The following GLCCI1 variants were observed in gnomAD, a reference collection of about 807,000 sequenced individuals.
GLCCI1 encodes the protein glucocorticoid-induced transcript 1 protein.
In GLCCI1, 24 loss-of-function variants were observed where a neutral mutation model predicts 52.2. The ratio of observed to expected loss-of-function variants is 0.46; its 90% confidence interval spans 0.33 to 0.65. The LOEUF (loss-of-function observed/expected upper bound fraction) is 0.65, where lower values mean the gene tolerates loss of function less well. Ranked by LOEUF, GLCCI1 falls within the 30% of genes least tolerant of loss-of-function variation. The pLI is 0.02. For missense variants in GLCCI1, 704 were observed against 701.5 expected (o/e 1.00, Z -0.04); for synonymous variants, 310 against 276.5 (o/e 1.12, Z -1.20).
In GLCCI1 at chr7:8,040,843, G is replaced by A. The variant is rs1781980532; in HGVS notation, c.697-14590G>A. 2.6e-5 allele frequency among the ~76,000 whole-genome samples: 4 copies of A among 152,258 alleles called. No homozygotes were observed. In the South Asian group the frequency reaches 8.3e-4, roughly 32 times the overall value. On this transcript the variant is annotated intron_variant, in intron 3 of 7. Transcript: ENST00000223145. ...ATCCGTAAATGTATGCATGTGCTTT[G>A]CTTCATCAACTATCATTTTCCTCTC...
intron 1 of GLCCI1, chr7:7,980,677 T>C: frequency 2.6e-6 from 2 of 771,984 alleles, no homozygotes; most frequent in Non-Finnish European, 4.5e-6. Context: ...GGGCACAATG[T>C]CCATGGTGAA....
intron 3 of GLCCI1, among the ~76,000 whole-genome samples, chr7:8,052,027 C>G (rs1196377404): frequency 3.9e-5 from 6 of 152,208 alleles, no homozygotes; most frequent in African/African-American, 1.4e-4. Context: ...TTGTCCTGGG[C>G]AGGTACTACC....
intron 1 of GLCCI1, among the ~76,000 whole-genome samples, chr7:7,978,530 C>T (rs989961223): frequency 1.3e-5 from 2 of 152,016 alleles, no homozygotes; most frequent in Admixed American, 1.3e-4. Flanking sequence ...GGTGTTTTGG[C>T]ATTTTTTCAA....
intron 1 of GLCCI1, among the ~76,000 whole-genome samples, chr7:7,990,823 C>T (rs190187534): frequency 8.5e-5 from 13 of 152,120 alleles, no homozygotes; most frequent in East Asian, 5.8e-4. Context: ...TCTGTGTTTC[C>T]GTATTTCTGA....
At chr7:8,068,780 A>G (rs1272937451) in intron 5 of GLCCI1, among the ~76,000 whole-genome samples, 1 of 152,162 alleles carries the variant, frequency 6.6e-6, no homozygotes, top group Non-Finnish European at 1.5e-5. Flanking sequence ...TCCTTCAACC[A>G]TGGTATAATT....
rs113513775 is a variant in GLCCI1, at chr7:8,019,087, G to T, written c.610-3396G>T. Among the ~76,000 whole-genome samples, 42 of 152,254 alleles carry T rather than the reference G, an allele frequency of 2.8e-4. 1 individual carries two copies. The highest frequency in any genetic ancestry group is 6.8e-3 in the Middle Eastern group (2 of 294). On this transcript the variant is annotated intron_variant, in intron 2 of 7. Coordinates refer to ENST00000223145, the MANE Select transcript of GLCCI1 (RefSeq NM_138426.4). ...ACTTCTTAATCATCAGCTTTAAATAGATTTGATTTTGGTAGCCATCTTTTG... is the reference window on the plus strand; with the variant it reads ...ACTTCTTAATCATCAGCTTTAAATATATTTGATTTTGGTAGCCATCTTTTG...
At chr7:8,016,385 C>T (rs1047569212) in intron 2 of GLCCI1, among the ~76,000 whole-genome samples, 10 of 152,060 alleles carry the variant, frequency 6.6e-5, no homozygotes, top group Non-Finnish European at 1.3e-4. Context: ...AGGAGAATGG[C>T]GTGAACCCGG....
At chr7:8,038,747 A>C (rs947177207) in intron 3 of GLCCI1, among the ~76,000 whole-genome samples, 1 of 152,228 alleles carries the variant, frequency 6.6e-6, no homozygotes, top group Non-Finnish European at 1.5e-5. Context: ...AAGCAAATGC[A>C]ACAAAAATAG....
At chr7:7,972,720 A>T (rs535128803) in intron 1 of GLCCI1, among the ~76,000 whole-genome samples, 1 of 152,284 alleles carries the variant, frequency 6.6e-6, no homozygotes, top group African/African-American at 2.4e-5. Context: ...AGGCTGAGGA[A>T]AAGCTGAATT....
rs376472624 is a variant in GLCCI1, at chr7:8,086,292, A to T, written c.1398A>T (p.Leu466=). Reference sequence around the variant, plus strand: ...CAGCTTTCTGTCCTGTAAAACTTCTAGGCCCCCTCTTACCTGCTTCTGACC... The same window carrying T: ...CAGCTTTCTGTCCTGTAAAACTTCTTGGCCCCCTCTTACCTGCTTCTGACC... The part of the protein sequence containing the change: ...TGSAFCPVKL[L]GPLLPASDLM... Residue 466 remains leucine, a synonymous_variant, in exon 8 of 8, where the codon CTA becomes CTT. Transcript: ENST00000223145. This position sits in a 1 kb window ranked among gnomAD's most constrained non-coding sequence, Gnocchi z 4.4. 7.4e-6 allele frequency: 12 copies of T among 1,613,976 alleles called. No individual in the cohort carries two copies. The highest frequency in any genetic ancestry group is 1.0e-5 in the Non-Finnish European group (12 of 1,180,008).
chr7:8,027,021 C>T (rs1781637264), intron 3 of GLCCI1, among the ~76,000 whole-genome samples: 1 of 152,182 alleles, frequency 6.6e-6, no homozygotes, highest in Non-Finnish European at 1.5e-5. Context: ...GAAGGACAGG[C>T]ACAAACAAGC....
intron 1 of GLCCI1, among the ~76,000 whole-genome samples, chr7:8,000,894 T>C (rs1228265955): frequency 1.3e-5 from 2 of 152,136 alleles, no homozygotes; most frequent in Non-Finnish European, 2.9e-5. Context: ...TTGCTTGGTA[T>C]ATCTTCCTCC....
chr7:7,982,568 C>A (rs143509950), intron 1 of GLCCI1, among the ~76,000 whole-genome samples: 1 of 152,246 alleles, frequency 6.6e-6, no homozygotes, highest in East Asian at 1.9e-4. Flanking sequence ...ATATGAATAT[C>A]TGTATACTCA....
At chr7:8,051,664 T>C (rs1043660375) in intron 3 of GLCCI1, among the ~76,000 whole-genome samples, 2 of 152,246 alleles carry the variant, frequency 1.3e-5, no homozygotes, top group Non-Finnish European at 2.9e-5. Context: ...CATTTGGTTT[T>C]GTCATCTTTT....
At position 8,086,043 on chromosome 7, in the gene GLCCI1, G is replaced by T; in HGVS notation, c.1299-150G>T. On this transcript the variant is annotated intron_variant, in intron 7 of 7. Transcript: ENST00000223145. This position sits in a 1 kb window ranked among gnomAD's most constrained non-coding sequence, Gnocchi z 4.4. ...ATGAATAGTCTGCCAGCTGACTTGT[G>T]CTATGGAAGATGTTTACCCCTCTGT... 1.6e-6 allele frequency: 1 copy of T among 642,870 alleles called. No individual in the cohort carries two copies. Among genetic ancestry groups the T allele is most frequent in the Non-Finnish European group, 2.7e-6 (1 of 371,664 alleles). 39.8% of individuals were successfully genotyped at this position (642,870 alleles called of 1,614,324 possible). A position where few individuals can be genotyped will look rare whatever the true frequency, so the allele number is the denominator to read the frequency against.
rs138035303 is a variant in GLCCI1 at position 8,032,052 on chromosome 7, A to G, written c.696+9483A>G. Reference sequence around the variant, plus strand: ...TAGAGAATCAGCAAGGTGATAGAAGACTTTAACAATATTATCAATCAACTT... The same window carrying G: ...TAGAGAATCAGCAAGGTGATAGAAGGCTTTAACAATATTATCAATCAACTT... On this transcript the variant is annotated intron_variant, in intron 3 of 7. Transcript: ENST00000223145. Among the ~76,000 whole-genome samples, 3 of 152,200 alleles carry G rather than the reference A, an allele frequency of 2.0e-5. No individual in the cohort carries two copies. In the East Asian group the frequency reaches 5.8e-4, roughly 29 times the overall value.
At chr7:8,044,193 C>T (rs188156479) in intron 3 of GLCCI1, among the ~76,000 whole-genome samples, 8 of 152,156 alleles carry the variant, frequency 5.3e-5, no homozygotes, top group African/African-American at 1.2e-4. Context: ...GATCCACCTG[C>T]GTCAGCCTCC....
Position 8,034,895 on chromosome 7 carries a change from T to C in GLCCI1, c.696+12326T>C, listed in dbSNP as rs116145753. 9.9e-3 allele frequency among the ~76,000 whole-genome samples: 1,505 copies of C among 152,208 alleles called. 21 individuals carry two copies. The highest frequency in any genetic ancestry group is 0.034 in the African/African-American group (1,420 of 41,504). On this transcript the variant is annotated intron_variant, in intron 3 of 7. Coordinates refer to ENST00000223145, the MANE Select transcript of GLCCI1 (RefSeq NM_138426.4). ...CCCAAACACTGGTGTGGGTGGTGAT[T>C]TGGGGACTTACTGAGGGCATTACAC...
intron 3 of GLCCI1, among the ~76,000 whole-genome samples, chr7:8,046,572 C>A (rs964189653): frequency 3.9e-5 from 6 of 152,210 alleles, no homozygotes; most frequent in Admixed American, 3.9e-4. Flanking sequence ...TTCAGACATT[C>A]CTTTCTATTG....
Sources: gnomAD v4.1 joint callset for allele counts (sites outside exome capture counted in the v4.1 genomes callset) on GRCh38, gnomAD v4.1.1 for gene constraint, Gnocchi (gnomAD v3.1) non-coding constraint, MANE v1.5 for transcripts, NCBI Gene and HGNC (gene_info 2026-07-23, HGNC 2026-07-21) for gene names.